The following ATF2 variants were observed in gnomAD, a reference collection of about 807,000 sequenced individuals.
ATF2 encodes cyclic AMP-dependent transcription factor ATF-2.
Under a neutral mutation model 60.6 loss-of-function variants are expected in ATF2, and 24 were observed. The ratio of observed to expected loss-of-function variants is 0.40; its 90% CI spans 0.29 to 0.56. ATF2 has a LOEUF of 0.56. Among genes scored for constraint, ATF2 ranks in the 20% least tolerant of loss-of-function variants. The pLI, the probability that ATF2 is intolerant of heterozygous loss-of-function variation, is 0.54. For missense variants in ATF2, 433 were observed against 607.7 expected, an observed-to-expected ratio of 0.71 and a Z score of 3.02; for synonymous variants, 206 against 215.4, an observed-to-expected ratio of 0.96 and a Z score of 0.38.
intron 10 of ATF2, 28 bp from the exon 11 acceptor site, chr2:175,097,621 T>C: frequency 6.2e-7 from 1 of 1,611,302 alleles, no homozygotes. Context: ...TTAAAAATTT[T>C]TTTTAAGTCC....
At chr2:175,115,061 T>C (rs1040352650) in intron 7 of ATF2, among the ~76,000 whole-genome samples, 193 bp from the exon 8 acceptor site, 6 of 150,788 alleles carry the variant, frequency 4.0e-5, no homozygotes, top group Non-Finnish European at 8.9e-5. Flanking sequence ...ATTAATATTT[T>C]AATTTTAAAA....
At chr2:175,109,935 T>G (rs1476730496) in intron 10 of ATF2, among the ~76,000 whole-genome samples, 1 of 152,218 alleles carries the variant, frequency 6.6e-6, no homozygotes, top group Non-Finnish European at 1.5e-5. Context: ...ATTTTTATAC[T>G]CTTCAACCAA....
intron 1 of ATF2, among the ~76,000 whole-genome samples, chr2:175,155,632 C>G (rs1699621631): frequency 6.6e-6 from 1 of 151,942 alleles, no homozygotes; most frequent in East Asian, 1.9e-4. Flanking sequence ...TTGCTACAAA[C>G]AAGTATGACA....
chr2:175,143,937 G>A (rs561608632), intron 2 of ATF2, among the ~76,000 whole-genome samples: 10 of 152,042 alleles, frequency 6.6e-5, no homozygotes, highest in African/African-American at 2.4e-4. Flanking sequence ...GGAACCACAG[G>A]TGTATACCAC....
intron 10 of ATF2, among the ~76,000 whole-genome samples, chr2:175,110,286 G>T (rs1696083016): frequency 6.6e-6 from 1 of 152,112 alleles, no homozygotes; most frequent in South Asian, 2.1e-4. Context: ...AGTGAGCTGA[G>T]ATTGTGCCAC....
At chr2:175,164,107 A>G (rs997204599) in intron 1 of ATF2, among the ~76,000 whole-genome samples, 1 of 149,748 alleles carries the variant, frequency 6.7e-6, no homozygotes, top group African/African-American at 2.4e-5. Flanking sequence ...TAATGCCTTA[A>G]AAGTGAAAAT....
In ATF2 at chr2:175,108,490, G is replaced by GT. The variant is rs1332591566; in HGVS notation, c.828+3077_828+3078insA. Among the ~76,000 whole-genome samples, 106 of 146,754 alleles carry GT rather than the reference G, an allele frequency of 7.2e-4. 5 individuals carry two copies. Among genetic ancestry groups the GT allele is most frequent in the African/African-American group, 2.4e-3 (92 of 38,980 alleles). ...GGGGTCAGCCCCCGCCCGGCCAGCC[G>GT]CCCCTTCCGGGAGGGAGGTGGGGGG... On this transcript the variant is annotated intron_variant, in intron 10 of 13. Transcript: ENST00000264110.
In ATF2 at chr2:175,136,382, G is replaced by A. The variant is rs377761016; in HGVS notation, c.32+30C>T. The stretch of plus-strand genomic sequence containing the variant: ...TTTTACAACCCAAAATGTAAAAAAT[G>A]GCTAAAAATACCAAATATTGCACAC... On this transcript the variant is annotated intron_variant, in intron 3 of 13. Coordinates refer to ENST00000264110, the MANE Select transcript of ATF2 (RefSeq NM_001880.4). 20 of 1,600,728 alleles carry A rather than the reference G, an allele frequency of 1.2e-5. 1 individual carries two copies. In the Middle Eastern group the frequency reaches 1.5e-3, roughly 119 times the overall value.
intron 1 of ATF2, among the ~76,000 whole-genome samples, chr2:175,159,025 A>G (rs1205797991): frequency 1.3e-5 from 2 of 152,100 alleles, no homozygotes; most frequent in Non-Finnish European, 2.9e-5. Flanking sequence ...TGACTTTTAG[A>G]TAAGAGTTTT....
chr2:175,093,346 G>T lies in ATF2; in HGVS notation c.979-79C>A, dbSNP rs189743230. 3.3e-4 allele frequency: 452 copies of T among 1,381,584 alleles called. 5 individuals are homozygous for T. In the African/African-American group the frequency reaches 5.5e-3, roughly 17 times the overall value. 85.6% of individuals were successfully genotyped at this position (1,381,584 alleles called of 1,614,324 possible). ...ACATAGGCAGTAAAGGGTGTCAAAG[G>T]GGGAGAGCAACTGTATTTTCTAAGT... On this transcript the variant is annotated intron_variant, in intron 11 of 13. Coordinates refer to ENST00000264110, the MANE Select transcript of ATF2 (RefSeq NM_001880.4).
intron 11 of ATF2, among the ~76,000 whole-genome samples, chr2:175,094,403 GAAAAAAAAAA>G (rs61440218): frequency 3.8e-4 from 23 of 61,136 alleles, no homozygotes; most frequent in Non-Finnish European, 4.1e-4. Flanking sequence ...CAAAAAATAC[GAAAAAAAAAA>G]AAAAAAAAAA....
At chr2:175,143,831 C>T (rs763140544) in intron 2 of ATF2, among the ~76,000 whole-genome samples, 6 of 152,084 alleles carry the variant, frequency 3.9e-5, no homozygotes, top group Non-Finnish European at 7.4e-5. Context: ...CTTGCTCTGT[C>T]ACCCAGGCTG....
chr2:175,141,073 A>G (rs1247173793), intron 2 of ATF2, among the ~76,000 whole-genome samples: 1 of 131,942 alleles, frequency 7.6e-6, no homozygotes, highest in East Asian at 2.3e-4. Flanking sequence ...ATGTGTGTGT[A>G]TATATATGTA....
intron 2 of ATF2, among the ~76,000 whole-genome samples, chr2:175,140,982 G>A (rs1175910008): frequency 2.0e-5 from 2 of 102,410 alleles, no homozygotes; most frequent in South Asian, 3.7e-4. Context: ...GGGGGATAGA[G>A]CAAGACCCTA....
chr2:175,076,448 T>C (rs935043038), intron 13 of ATF2, among the ~76,000 whole-genome samples: 2 of 152,144 alleles, frequency 1.3e-5, no homozygotes, highest in African/African-American at 4.8e-5. Context: ...CATATGCAGG[T>C]ATGTTACATG....
intron 4 of ATF2, among the ~76,000 whole-genome samples, chr2:175,127,915 T>A (rs1191182187): frequency 6.6e-6 from 1 of 152,176 alleles, no homozygotes; most frequent in African/African-American, 2.4e-5. Context: ...CTCACCAGAA[T>A]GACTAAAACT....
chr2:175,151,600 A>G (rs1407205924), intron 1 of ATF2, among the ~76,000 whole-genome samples: 1 of 152,174 alleles, frequency 6.6e-6, no homozygotes, highest in Non-Finnish European at 1.5e-5. Flanking sequence ...GACCCAGTCT[A>G]TGTGCTTATT....
intron 10 of ATF2, among the ~76,000 whole-genome samples, chr2:175,107,547 A>G (rs918285570): frequency 7.1e-6 from 1 of 140,994 alleles, no homozygotes; most frequent in Non-Finnish European, 1.5e-5. Context: ...CCCTCTCCCC[A>G]CGGTCTCCCT....
Position 175,114,057 on chromosome 2 carries a change from G to T in ATF2, c.678C>A (p.Thr226=). 6.2e-7 allele frequency: 1 copy of T among 1,613,066 alleles called. No homozygotes were observed. The highest frequency in any genetic ancestry group is 1.1e-5 in the South Asian group (1 of 90,960). ...PLLLHLPNGQ[T]MPVAIPASIT... ...TTGATGCAGGAATAGCAACAGGCATGGTTTGTCCATTAGGAAGATGTAACA... is the reference window on the plus strand; with the variant it reads ...TTGATGCAGGAATAGCAACAGGCATTGTTTGTCCATTAGGAAGATGTAACA... Residue 226 remains threonine, a synonymous_variant, in exon 9 of 14, where the codon ACC becomes ACA. Coordinates refer to ENST00000264110, the MANE Select transcript of ATF2 (RefSeq NM_001880.4).
Sources: allele counts gnomAD v4.1 joint callset (sites outside exome capture counted in the v4.1 genomes callset), GRCh38; gene constraint gnomAD v4.1.1; transcripts MANE v1.5; gene names NCBI Gene and HGNC (gene_info 2026-07-23, HGNC 2026-07-21).